The following IBTK variants were observed in gnomAD, a reference collection of about 807,000 sequenced individuals.
IBTK encodes BTK-binding protein.
In IBTK, 83 loss-of-function variants were observed where a neutral mutation model predicts 154.9. The observed-to-expected ratio is 0.54, with a 90% CI of 0.45 to 0.64. The LOEUF is 0.64. Ranked by LOEUF, IBTK falls within the 30% of genes least tolerant of loss-of-function variation. IBTK has a pLI of 0.00. For missense variants in IBTK, 1,332 were observed against 1,584.6 expected (o/e 0.84, Z 2.71); for synonymous variants, 515 against 536.1 (o/e 0.96, Z 0.54).
chr6:82,243,695 T>C (rs530014762), intron 1 of IBTK, among the ~76,000 whole-genome samples: 4 of 152,338 alleles, frequency 2.6e-5, no homozygotes, highest in Non-Finnish European at 5.9e-5. Flanking sequence ...GGACTATTTA[T>C]TGTATGTGGC....
At chr6:82,176,708 T>C (rs1040050090) in intron 26 of IBTK, among the ~76,000 whole-genome samples, 11 of 152,038 alleles carry the variant, frequency 7.2e-5, no homozygotes, top group Non-Finnish European at 1.6e-4. Context: ...TCAAACAACA[T>C]TGTCATTCTT....
rs1770916480 is a variant in IBTK at position 82,240,771 on chromosome 6, AG to A, written c.-286del. 1 of 456,658 alleles carries A rather than the reference AG, an allele frequency of 2.2e-6. No homozygotes were observed. Among genetic ancestry groups the A allele is most frequent in the Non-Finnish European group, 3.8e-6 (1 of 262,024 alleles). 28.3% of individuals were successfully genotyped at this position (456,658 alleles called of 1,614,324 possible). A position where few individuals can be genotyped will look rare whatever the true frequency, so the allele number is the denominator to read the frequency against. On this transcript the variant is annotated 5_prime_UTR_variant, in exon 2 of 29. An upstream open reading frame in the 5' UTR loses its in-frame stop. Transcript: ENST00000306270. ...AAATTATTCCTGGAGTCAAGCACCAAGGGGGAGTGAGGAGGGGAACTCCCCC... is the reference window on the plus strand; with the variant it reads ...AAATTATTCCTGGAGTCAAGCACCAAGGGGAGTGAGGAGGGGAACTCCCCC...
intron 1 of IBTK, among the ~76,000 whole-genome samples, chr6:82,241,172 A>C (rs1266172860): frequency 6.6e-6 from 1 of 152,062 alleles, no homozygotes; most frequent in Non-Finnish European, 1.5e-5. Flanking sequence ...TCATGTTTAA[A>C]GTTAACCCAC....
rs372238733 is a variant in IBTK, at chr6:82,227,328, T to C, written c.544-26A>G. 6 of 1,310,958 alleles carry C rather than the reference T, an allele frequency of 4.6e-6. No homozygotes were observed. In the African/African-American group the frequency reaches 7.4e-5, roughly 16 times the overall value. The allele number at this position is 1,310,958 out of a possible 1,614,324, so 81.2% of individuals were successfully genotyped here. ...CTAAGGGAAAACAAGAGAATATTAT[T>C]AAACTTCTCTGAATAAAATATCCTT... On this transcript the variant is annotated intron_variant, in intron 4 of 28. Transcript: ENST00000306270.
chr6:82,238,718 G>C (rs1770827297), intron 2 of IBTK, among the ~76,000 whole-genome samples: 1 of 151,956 alleles, frequency 6.6e-6, no homozygotes, highest in Non-Finnish European at 1.5e-5. Context: ...TGAGATTACA[G>C]GCGTGAGCCA....
At chr6:82,178,936 G>A (rs1768216251) in intron 26 of IBTK, among the ~76,000 whole-genome samples, 1 of 152,262 alleles carries the variant, frequency 6.6e-6, no homozygotes, top group Non-Finnish European at 1.5e-5. Flanking sequence ...AAGACAGTTG[G>A]CAGGAGCCAG....
At chr6:82,198,246 A>G (rs2127806461) in intron 21 of IBTK, among the ~76,000 whole-genome samples, 1 of 152,274 alleles carries the variant, frequency 6.6e-6, no homozygotes, top group African/African-American at 2.4e-5. Flanking sequence ...CTGGAAAGTC[A>G]TTACTTTCAA....
chr6:82,243,783 A>C (rs1771043035), intron 1 of IBTK, among the ~76,000 whole-genome samples: 1 of 152,230 alleles, frequency 6.6e-6, no homozygotes, highest in Non-Finnish European at 1.5e-5. Flanking sequence ...TGTATGCATA[A>C]TACCTGGAAG....
intron 9 of IBTK, among the ~76,000 whole-genome samples, chr6:82,219,694 AAATGTACTGATATGTTTGC>A (rs767338821): frequency 2.0e-5 from 3 of 151,360 alleles, no homozygotes; most frequent in Non-Finnish European, 4.4e-5. Context: ...TTTATTAGAG[AAATGTACTGATATGTTTGC>A]ATAAGGAACT....
At chr6:82,236,201 T>G (rs1770708145) in intron 2 of IBTK, among the ~76,000 whole-genome samples, 1 of 152,132 alleles carries the variant, frequency 6.6e-6, no homozygotes, top group African/African-American at 2.4e-5. Context: ...TTGCTTGGTT[T>G]TGGTTTTGGT....
chr6:82,230,143 T>A (rs759721240), intron 4 of IBTK, among the ~76,000 whole-genome samples: 5 of 152,160 alleles, frequency 3.3e-5, no homozygotes, highest in Non-Finnish European at 5.9e-5. Context: ...TGTCTAAGAA[T>A]TCAATCTCAG....
chr6:82,193,561 A>C, intron 23 of IBTK, among the ~76,000 whole-genome samples: 1 of 152,224 alleles, frequency 6.6e-6, no homozygotes, highest in African/African-American at 2.4e-5. Flanking sequence ...CCAGATGATA[A>C]TATGTCAATT....
intron 1 of IBTK, among the ~76,000 whole-genome samples, chr6:82,243,584 T>C (rs1771035798): frequency 6.6e-6 from 1 of 152,292 alleles, no homozygotes; most frequent in East Asian, 1.9e-4. Context: ...AGTAGCCCTC[T>C]TGGTTAGCAA....
At chr6:82,228,653 G>A (rs1048661977) in intron 4 of IBTK, among the ~76,000 whole-genome samples, 5 of 148,222 alleles carry the variant, frequency 3.4e-5, no homozygotes, top group Non-Finnish European at 5.9e-5. Flanking sequence ...ACGGAGTCTC[G>A]CTCTGTCACC....
At chr6:82,239,719 C>T (rs1234430356) in intron 2 of IBTK, among the ~76,000 whole-genome samples, 3 of 140,022 alleles carry the variant, frequency 2.1e-5, no homozygotes, top group South Asian at 2.3e-4. Context: ...TATTCTGCAT[C>T]GGCCTATAAA....
At position 82,214,638 on chromosome 6, in the gene IBTK, T is replaced by A; in HGVS notation, c.1793A>T (p.Asn598Ile). 2 of 1,614,010 alleles carry A rather than the reference T, an allele frequency of 1.2e-6. No homozygotes were observed. The highest frequency in any genetic ancestry group is 1.7e-6 in the Non-Finnish European group (2 of 1,179,924). ...FFQKLFLSDGNTSEFTDIYQK... is the reference protein window; with the variant it reads ...FFQKLFLSDGITSEFTDIYQK... ...GTAAATATCTGTAAATTCTGAAGTA[T>A]TACCATCTGAAAGAAACAATTTCTG... is the stretch of plus-strand genomic sequence containing the variant. Residue 598 changes from asparagine (N) to isoleucine (I), a missense_variant, in exon 12 of 29, where the codon AAT becomes ATT. Transcript: ENST00000306270.
intron 1 of IBTK, among the ~76,000 whole-genome samples, chr6:82,244,121 A>G (rs1771056346): frequency 6.6e-6 from 1 of 152,236 alleles, no homozygotes; most frequent in Non-Finnish European, 1.5e-5. Context: ...GAAACAATCC[A>G]TGGACTTCAC....
intron 2 of IBTK, 87 bp from the exon 3 acceptor site, chr6:82,234,342 T>A (rs113375767): frequency 0.022 from 9,777 of 435,740 alleles, 813 homozygotes; most frequent in African/African-American, 0.18. Context: ...TATTATTATT[T>A]TTTTTTTTTT....
chr6:82,243,238 C>CA (rs200210329), intron 1 of IBTK, among the ~76,000 whole-genome samples: 3,723 of 60,486 alleles, frequency 0.062, 70 homozygotes, highest in Admixed American at 0.14. Flanking sequence ...GACTCTGTCT[C>CA]AAAAAAAAAA....
Sources: allele counts gnomAD v4.1 joint callset (sites outside exome capture counted in the v4.1 genomes callset), GRCh38; gene constraint gnomAD v4.1.1; transcripts MANE v1.5; gene names NCBI Gene and HGNC (gene_info 2026-07-23, HGNC 2026-07-21).